The following TNFRSF10C variants were observed in gnomAD, a reference collection of about 807,000 sequenced individuals.
TNFRSF10C encodes tumor necrosis factor receptor superfamily member 10C.
Under a neutral mutation model 16.7 loss-of-function variants are expected in TNFRSF10C, and 17 were observed. The observed-to-expected ratio is 1.02, with a 90% CI of 0.70 to 1.53. TNFRSF10C has a LOEUF of 1.53. TNFRSF10C is among the 40% of genes most tolerant of loss of function. TNFRSF10C has a pLI of 0.00. For missense variants in TNFRSF10C, 237 were observed against 329.7 expected (o/e 0.72, Z 2.18); for synonymous variants, 73 against 119.7 (o/e 0.61, Z 2.55).
At chr8:23,103,281 C>T (rs1813703381) in intron 1 of TNFRSF10C, 100 bp downstream of exon 1, 1 of 1,541,250 alleles carries the variant, frequency 6.5e-7, no homozygotes, top group Non-Finnish European at 8.8e-7. Context: ...CCCTGGTCAC[C>T]TGCGGCCGGG....
At chr8:23,115,337 A>G (rs141950188) in intron 3 of TNFRSF10C, among the ~76,000 whole-genome samples, 171 bp from the exon 4 acceptor site, 24 of 152,000 alleles carry the variant, frequency 1.6e-4, no homozygotes, top group African/African-American at 4.8e-4. Flanking sequence ...AGTGCTGGTG[A>G]CAGCTGAAGG....
At chr8:23,103,834 G>A (rs115448886) in intron 1 of TNFRSF10C, among the ~76,000 whole-genome samples, 1 of 152,176 alleles carries the variant, frequency 6.6e-6, no homozygotes, top group Non-Finnish European at 1.5e-5. Context: ...GTAGTAGTGT[G>A]AGTGCAAGGA....
chr8:23,103,500 CCT>C (rs920756468), intron 1 of TNFRSF10C: 1 of 491,294 alleles, frequency 2.0e-6, no homozygotes, highest in Non-Finnish European at 3.7e-6. Flanking sequence ...AGAGCGGTTG[CCT>C]CTCTCATTAA....
At chr8:23,106,235 G>A (rs529847589) in intron 1 of TNFRSF10C, among the ~76,000 whole-genome samples, 1 of 152,276 alleles carries the variant, frequency 6.6e-6, no homozygotes, top group Admixed American at 6.5e-5. Context: ...CTAATAGGAG[G>A]TAGCATGAAG....
In TNFRSF10C at chr8:23,117,281, G is replaced by C. The variant is rs1041861753; in HGVS notation, c.*250G>C. On this transcript the variant is annotated 3_prime_UTR_variant, in exon 5 of 5. Coordinates refer to ENST00000356864, the MANE Select transcript of TNFRSF10C (RefSeq NM_003841.5). ...CTCATCAGTCCCTCTCCTGGAGCTG[G>C]GGGTCCACACATCTCCCAGCCAAGT... 1.3e-5 allele frequency: 8 copies of C among 593,708 alleles called. No homozygotes were observed. Among genetic ancestry groups the C allele is most frequent in the African/African-American group, 1.3e-4 (7 of 53,934 alleles). 36.8% of individuals were successfully genotyped at this position (593,708 alleles called of 1,614,324 possible).
intron 4 of TNFRSF10C, 120 bp from the exon 5 acceptor site, chr8:23,116,521 G>A (rs979564924): frequency 7.3e-7 from 1 of 1,378,458 alleles, no homozygotes; most frequent in African/African-American, 1.4e-5. Flanking sequence ...CTCCAGACAG[G>A]AGCCTGTCCT....
intron 1 of TNFRSF10C, among the ~76,000 whole-genome samples, chr8:23,107,715 T>G (rs1327595516): frequency 6.6e-6 from 1 of 152,206 alleles, no homozygotes. Context: ...ATAGCTTAAA[T>G]GGTAAACTTA....
At position 23,109,621 on chromosome 8, in the gene TNFRSF10C, C is replaced by T. The variant is rs183098469; in HGVS notation, c.61-2099C>T. 1.5e-3 allele frequency among the ~76,000 whole-genome samples: 210 copies of T among 140,502 alleles called. 3 individuals carry two copies. In the South Asian group the frequency reaches 0.038, roughly 25 times the overall value. The allele number at this position is 140,502 out of a possible 152,430, so 92.2% of individuals were successfully genotyped here. ...CACTGCACTCCGGCCTGGGAGACAG[C>T]GAGACTCCATCTCAAAAAAAAAAAA... On this transcript the variant is annotated intron_variant, in intron 1 of 4. Coordinates refer to ENST00000356864, the MANE Select transcript of TNFRSF10C (RefSeq NM_003841.5).
Position 23,117,431 on chromosome 8 carries a change from A to C in TNFRSF10C, c.*400A>C, listed in dbSNP as rs1160462862. 1 of 258,342 alleles carries C rather than the reference A, an allele frequency of 3.9e-6. No individual in the cohort carries two copies. The highest frequency in any genetic ancestry group is 7.4e-6 in the Non-Finnish European group (1 of 134,554). The allele number at this position is 258,342 out of a possible 1,614,324, so 16.0% of individuals were successfully genotyped here. On this transcript the variant is annotated 3_prime_UTR_variant, in exon 5 of 5. Transcript: ENST00000356864. ...ACGGGATTTATTCAGCCTTGGTCAG[A>C]GCAGAACACAGAGATTTTCCGTGTG...
At chr8:23,112,859 G>A (rs1813905599) in intron 2 of TNFRSF10C, among the ~76,000 whole-genome samples, 1 of 152,178 alleles carries the variant, frequency 6.6e-6, no homozygotes, top group African/African-American at 2.4e-5. Flanking sequence ...AGATCATATA[G>A]TTGTTCTATT....
In TNFRSF10C at chr8:23,117,090, T is replaced by A. The variant is rs1814004053; in HGVS notation, c.*59T>A. 35 of 1,583,176 alleles carry A rather than the reference T, an allele frequency of 2.2e-5. No homozygotes were observed. Among genetic ancestry groups the A allele is most frequent in the Non-Finnish European group, 2.9e-5 (34 of 1,166,710 alleles). On this transcript the variant is annotated 3_prime_UTR_variant, in exon 5 of 5. Coordinates refer to ENST00000356864, the MANE Select transcript of TNFRSF10C (RefSeq NM_003841.5). ...CTGAAAGGTTCAGGTAGGCGCTGGC[T>A]GAGGGCGGGGGGCGCTGGACACTCT... is the stretch of plus-strand genomic sequence containing the variant.
chr8:23,111,219 C>CTT (rs56964129), intron 1 of TNFRSF10C, among the ~76,000 whole-genome samples: 6 of 146,570 alleles, frequency 4.1e-5, no homozygotes, highest in East Asian at 3.9e-4. Flanking sequence ...TTCATTTTTT[C>CTT]TTTTTTTTTT....
chr8:23,103,385 G>C, intron 1 of TNFRSF10C: 1 of 909,820 alleles, frequency 1.1e-6, no homozygotes. Flanking sequence ...GGAGCAGAGA[G>C]GCGGTCCCCC....
intron 1 of TNFRSF10C, among the ~76,000 whole-genome samples, chr8:23,111,205 T>A (rs1381302569): frequency 1.3e-5 from 2 of 151,428 alleles, no homozygotes; most frequent in Non-Finnish European, 2.9e-5. Flanking sequence ...TTTTTCTTTT[T>A]CTTTTCATTT....
At chr8:23,116,387 C>T (rs766503243) in intron 4 of TNFRSF10C, among the ~76,000 whole-genome samples, 27 of 152,192 alleles carry the variant, frequency 1.8e-4, no homozygotes, top group Non-Finnish European at 3.1e-4. Flanking sequence ...CTCTGCAGCC[C>T]AGGGAAGCTC....
chr8:23,108,390 T>A (rs1380370747), intron 1 of TNFRSF10C, among the ~76,000 whole-genome samples: 2 of 152,238 alleles, frequency 1.3e-5, no homozygotes, highest in Non-Finnish European at 2.9e-5. Context: ...ATTAGGAAAC[T>A]GCTTTTTTCT....
Position 23,115,608 on chromosome 8 carries a change from G to A in TNFRSF10C, c.381G>A (p.Lys127=). 1 of 1,613,422 alleles carries A rather than the reference G, an allele frequency of 6.2e-7. No individual in the cohort carries two copies. Among genetic ancestry groups the A allele is most frequent in the Non-Finnish European group, 8.5e-7 (1 of 1,179,622 alleles). ...AAAACTCCCCAGAGATGTGCCGGAAGTGTAGCAGGTGAGACAGCAGTCAGG... is the reference window on the plus strand; with the variant it reads ...AAAACTCCCCAGAGATGTGCCGGAAATGTAGCAGGTGAGACAGCAGTCAGG... ...RNENSPEMCR[K]CSRCPSGEVQ... The change falls in exon 4 of 5, where the codon AAG becomes AAA. Residue 127 remains lysine (K), a synonymous_variant. Coordinates refer to ENST00000356864, the MANE Select transcript of TNFRSF10C (RefSeq NM_003841.5).
At chr8:23,111,477 A>G (rs1813876921) in intron 1 of TNFRSF10C, among the ~76,000 whole-genome samples, 1 of 149,882 alleles carries the variant, frequency 6.7e-6, no homozygotes, top group African/African-American at 2.5e-5. Flanking sequence ...AGACTTCCAC[A>G]TTGCTGGGAT....
chr8:23,112,201 C>G (rs1015737893), intron 2 of TNFRSF10C, among the ~76,000 whole-genome samples: 2 of 152,178 alleles, frequency 1.3e-5, no homozygotes, highest in Non-Finnish European at 2.9e-5. Flanking sequence ...CACTTATTTA[C>G]ATAGCATGTC....
Sources: allele counts gnomAD v4.1 joint callset (sites outside exome capture counted in the v4.1 genomes callset), GRCh38; gene constraint gnomAD v4.1.1; transcripts MANE v1.5; gene names NCBI Gene and HGNC (gene_info 2026-07-23, HGNC 2026-07-21).